MYT1L: variants seen among roughly 807,000 people sequenced by gnomAD.
MYT1L encodes myelin transcription factor 1-like protein.
MYT1L carries 12 observed loss-of-function variants against 126.7 expected under a neutral mutation model. That is an observed-to-expected ratio of 0.09 (90% CI 0.06 to 0.15). MYT1L has a LOEUF of 0.15. Among genes scored for constraint, MYT1L ranks in the 10% least tolerant of loss-of-function variants. MYT1L has a pLI of 1.00. For synonymous variants in MYT1L, 541 were observed against 604.2 expected, an observed-to-expected ratio of 0.90 and a Z score of 1.53; for missense variants, 979 against 1,585.2, an observed-to-expected ratio of 0.62 and a Z score of 6.49.
intron 1 of MYT1L, among the ~76,000 whole-genome samples, chr2:2,287,409 A>G (rs1427483859): frequency 6.6e-6 from 1 of 152,134 alleles, no homozygotes; most frequent in Non-Finnish European, 1.5e-5. Context: ...TTTGTTAAGC[A>G]TCGCCAGCAT....
intron 15 of MYT1L, among the ~76,000 whole-genome samples, chr2:1,890,612 G>A (rs189281813): frequency 2.0e-5 from 3 of 151,886 alleles, no homozygotes; most frequent in Non-Finnish European, 4.4e-5. Flanking sequence ...CTCAGGAAGA[G>A]AGTCAGAAGA....
chr2:1,899,967 G>A (rs546734435), intron 14 of MYT1L, among the ~76,000 whole-genome samples: 1 of 152,188 alleles, frequency 6.6e-6, no homozygotes, highest in Non-Finnish European at 1.5e-5. Flanking sequence ...CACAGCTGGT[G>A]TGATTTAAGA....
At chr2:1,892,349 A>T in intron 14 of MYT1L, 62 bp from the exon 15 acceptor site, 2 of 1,513,114 alleles carry the variant, frequency 1.3e-6, no homozygotes, top group Middle Eastern at 2.4e-4. Context: ...CAGACAGCAC[A>T]CGGCAGGGCC....
At chr2:2,319,065 C>A (rs935308966) in intron 1 of MYT1L, among the ~76,000 whole-genome samples, 1 of 152,166 alleles carries the variant, frequency 6.6e-6, no homozygotes, top group African/African-American at 2.4e-5. Flanking sequence ...TTCTCCTCTC[C>A]TCCTTGTTTT....
intron 1 of MYT1L, among the ~76,000 whole-genome samples, chr2:2,299,066 A>C (rs1404471111): frequency 6.6e-6 from 1 of 152,062 alleles, no homozygotes; most frequent in East Asian, 1.9e-4. Context: ...GTTAGCCAGG[A>C]TGGTCTCGAT....
chr2:1,835,076 T>C (rs6744442), intron 21 of MYT1L, among the ~76,000 whole-genome samples: 1,296 of 62,496 alleles, frequency 0.021, no homozygotes, highest in Middle Eastern at 0.071. Flanking sequence ...TGCTCCTCCA[T>C]ATACCACGGG....
intron 1 of MYT1L, among the ~76,000 whole-genome samples, chr2:2,322,423 A>G (rs1573573984): frequency 6.6e-6 from 1 of 152,242 alleles, no homozygotes; most frequent in South Asian, 2.1e-4. Context: ...ACAGGGAAAA[A>G]TTCCCTTAGA....
At chr2:2,065,846 A>ATG (rs1553455284) in intron 3 of MYT1L, among the ~76,000 whole-genome samples, 2 of 117,338 alleles carry the variant, frequency 1.7e-5, no homozygotes, top group African/African-American at 6.5e-5. Context: ...ACACACACAC[A>ATG]CGCACACACA....
At chr2:2,322,255 G>A (rs1400657909) in intron 1 of MYT1L, among the ~76,000 whole-genome samples, 3 of 150,892 alleles carry the variant, frequency 2.0e-5, no homozygotes, top group Non-Finnish European at 2.9e-5. Context: ...GACAGCAGAC[G>A]CCCCACACTG....
At chr2:2,253,642 G>A (rs944661438) in intron 2 of MYT1L, among the ~76,000 whole-genome samples, 2 of 152,170 alleles carry the variant, frequency 1.3e-5, no homozygotes, top group Non-Finnish European at 2.9e-5. Context: ...CCCAGTTCAT[G>A]TGCAGGAAGC....
chr2:2,005,968 C>T (rs141969588), intron 4 of MYT1L, among the ~76,000 whole-genome samples: 2,286 of 151,138 alleles, frequency 0.015, 51 homozygotes, highest in African/African-American at 0.049. Context: ...GCGTTCTTTC[C>T]TGCAGGTGTT....
intron 22 of MYT1L, among the ~76,000 whole-genome samples, chr2:1,804,939 T>A (rs1032268910): frequency 6.6e-6 from 1 of 152,178 alleles, no homozygotes. Context: ...CCTTCTCTCC[T>A]AAACACTGCC....
intron 3 of MYT1L, among the ~76,000 whole-genome samples, chr2:2,161,932 G>A (rs1020877688): frequency 6.6e-5 from 10 of 152,186 alleles, no homozygotes; most frequent in Non-Finnish European, 1.2e-4. Context: ...TCCGAGAACC[G>A]TTCTTTGAAT....
chr2:2,312,483 T>G (rs1007828245), intron 1 of MYT1L, among the ~76,000 whole-genome samples: 2 of 151,950 alleles, frequency 1.3e-5, no homozygotes, highest in African/African-American at 4.8e-5. Context: ...TGGGGTGACA[T>G]GCACCTGCAG....
intron 9 of MYT1L, among the ~76,000 whole-genome samples, chr2:1,934,352 G>C (rs1238211135): frequency 6.9e-6 from 1 of 145,352 alleles, no homozygotes; most frequent in African/African-American, 2.6e-5. Flanking sequence ...CATATGACAT[G>C]TATTTTCTAT....
At chr2:1,950,401 T>C (rs546760872) in intron 8 of MYT1L, among the ~76,000 whole-genome samples, 1 of 152,126 alleles carries the variant, frequency 6.6e-6, no homozygotes, top group South Asian at 2.1e-4. Context: ...GGAAAGCATG[T>C]CACTGAGCAA....
At chr2:2,119,861 T>C (rs1309620966) in intron 3 of MYT1L, among the ~76,000 whole-genome samples, 1 of 151,856 alleles carries the variant, frequency 6.6e-6, no homozygotes, top group Admixed American at 6.6e-5. Context: ...GTGAAAGTAT[T>C]TTTTTTTAAT....
intron 2 of MYT1L, among the ~76,000 whole-genome samples, chr2:2,188,748 A>G (rs1384964695): frequency 6.6e-6 from 1 of 152,134 alleles, no homozygotes; most frequent in African/African-American, 2.4e-5. Flanking sequence ...GGGAAGTGGT[A>G]GGAGTTTAAG....
chr2:2,008,839 T>G (rs111586523), intron 4 of MYT1L, among the ~76,000 whole-genome samples: 4,392 of 152,244 alleles, frequency 0.029, 209 homozygotes, highest in African/African-American at 0.098. Context: ...TGCATCCATT[T>G]TGAGTTATTA....
Sources: allele counts gnomAD v4.1 joint callset (sites outside exome capture counted in the v4.1 genomes callset), GRCh38; gene constraint gnomAD v4.1.1; transcripts MANE v1.5; gene names NCBI Gene and HGNC (gene_info 2026-07-23, HGNC 2026-07-21).